The following SH3KBP1 variants were observed in gnomAD, a reference collection of about 807,000 sequenced individuals.
SH3KBP1 encodes SH3 domain-containing kinase-binding protein 1.
Under a neutral mutation model 50.1 loss-of-function variants are expected in SH3KBP1, and 8 were observed. The ratio of observed to expected loss-of-function variants is 0.16; its 90% confidence interval spans 0.09 to 0.29. The LOEUF (loss-of-function observed/expected upper bound fraction) is 0.29. Among genes scored for constraint, SH3KBP1 ranks in the 10% least tolerant of loss-of-function variants. The pLI is 1.00. For synonymous variants in SH3KBP1, 227 were observed against 218.6 expected (o/e 1.04, Z -0.34); for missense variants, 377 against 535.2 (o/e 0.70, Z 2.92).
rs556751972 is a variant in SH3KBP1, at chrX:19,688,564, G to C, written c.521-4536C>G. On this transcript the variant is annotated intron_variant, in intron 5 of 17. Transcript: ENST00000397821. ...CTCTGGAACCATGAGCAACTATACAGAATACACACATACTGCCCTGGTTTG... is the reference window on the plus strand; with the variant it reads ...CTCTGGAACCATGAGCAACTATACACAATACACACATACTGCCCTGGTTTG... 1.7e-4 allele frequency among the ~76,000 whole-genome samples: 19 copies of C among 110,526 alleles called. No individual in the cohort carries two copies. The South Asian group carries it at 7.0e-3, about 41-fold the overall frequency.
At chrX:19,801,535 A>C (rs1267613252) in intron 2 of SH3KBP1, among the ~76,000 whole-genome samples, 1 of 111,845 alleles carries the variant, frequency 8.9e-6, no homozygotes, top group Non-Finnish European at 1.9e-5. Context: ...TAAATAATAC[A>C]TTTGCAGAAA....
intron 13 of SH3KBP1, among the ~76,000 whole-genome samples, chrX:19,566,096 G>C (rs970765282): frequency 8.2e-5 from 9 of 109,648 alleles, no homozygotes; most frequent in African/African-American, 3.0e-4. Context: ...AGCAATGATT[G>C]CACTGTTGCA....
intron 7 of SH3KBP1, among the ~76,000 whole-genome samples, chrX:19,638,408 C>CAA (rs59079416): frequency 0.097 from 4,041 of 41,829 alleles, 542 homozygotes; most frequent in African/African-American, 0.3. Context: ...GACTCCGTCT[C>CAA]AAAAAAAAAA....
chrX:19,837,938 C>T (rs1307774946), intron 1 of SH3KBP1, among the ~76,000 whole-genome samples: 1 of 111,629 alleles, frequency 9.0e-6, no homozygotes, highest in Non-Finnish European at 1.9e-5. Flanking sequence ...AAATAGTTCA[C>T]AGACCTAAGT....
intron 7 of SH3KBP1, among the ~76,000 whole-genome samples, chrX:19,634,894 G>A (rs2061667035): frequency 1.8e-5 from 2 of 111,410 alleles, no homozygotes; most frequent in Admixed American, 1.9e-4. Flanking sequence ...AGCTGTTCTG[G>A]TTGGGGAGTA....
chrX:19,583,894 T>C (rs1173813630), intron 12 of SH3KBP1, among the ~76,000 whole-genome samples: 2 of 99,807 alleles, frequency 2.0e-5, no homozygotes, highest in African/African-American at 7.2e-5. Flanking sequence ...CAATGGTATA[T>C]GTTTATATAT....
At chrX:19,633,211 CG>C (rs1161139454) in intron 7 of SH3KBP1, among the ~76,000 whole-genome samples, 4 of 111,150 alleles carry the variant, frequency 3.6e-5, no homozygotes, top group African/African-American at 1.3e-4. Flanking sequence ...GGAGGAGAGG[CG>C]GTATTCACTT....
At chrX:19,672,868 C>T (rs1371809715) in intron 6 of SH3KBP1, among the ~76,000 whole-genome samples, 4 of 108,230 alleles carry the variant, frequency 3.7e-5, no homozygotes, top group Non-Finnish European at 5.7e-5. Context: ...ACCAGCCTGG[C>T]CAACATGGTG....
At chrX:19,752,735 C>T (rs973355070) in intron 2 of SH3KBP1, among the ~76,000 whole-genome samples, 1 of 112,490 alleles carries the variant, frequency 8.9e-6, no homozygotes, top group Admixed American at 9.4e-5. Flanking sequence ...AAGAACAGCA[C>T]AAATGCTTAA....
At chrX:19,655,966 T>C (rs2062268350) in intron 6 of SH3KBP1, among the ~76,000 whole-genome samples, 1 of 111,934 alleles carries the variant, frequency 8.9e-6, no homozygotes, top group Non-Finnish European at 1.9e-5. Context: ...ACAGCAATGA[T>C]GCAACTTGCA....
chrX:19,851,092 A>G (rs190122761), intron 1 of SH3KBP1, among the ~76,000 whole-genome samples: 2 of 111,547 alleles, frequency 1.8e-5, no homozygotes, highest in East Asian at 2.8e-4. Flanking sequence ...AGGTGACTCT[A>G]TGTACCCCTA....
intron 12 of SH3KBP1, among the ~76,000 whole-genome samples, chrX:19,581,030 T>C (rs1267955202): frequency 9.0e-6 from 1 of 111,605 alleles, no homozygotes; most frequent in East Asian, 2.8e-4. Context: ...TTGCTCACTA[T>C]GGCCTTGAAC....
chrX:19,598,472 A>G (rs774183146), intron 9 of SH3KBP1, among the ~76,000 whole-genome samples: 6 of 111,335 alleles, frequency 5.4e-5, no homozygotes, highest in African/African-American at 2.0e-4. Context: ...TTTCCTTTGC[A>G]TTCACAGCTT....
intron 1 of SH3KBP1, among the ~76,000 whole-genome samples, chrX:19,837,952 A>G (rs1282578376): frequency 9.0e-6 from 1 of 111,567 alleles, no homozygotes; most frequent in African/African-American, 3.3e-5. Context: ...CCTAAGTGTA[A>G]GAGCTAAAAT....
intron 2 of SH3KBP1, among the ~76,000 whole-genome samples, chrX:19,777,344 T>A (rs910012825): frequency 2.8e-5 from 3 of 108,374 alleles, no homozygotes; most frequent in Non-Finnish European, 3.9e-5. Context: ...GGAGAGGAAG[T>A]CAACAGAAAG....
chrX:19,866,903 A>C (rs781205929), intron 1 of SH3KBP1, among the ~76,000 whole-genome samples: 1 of 107,723 alleles, frequency 9.3e-6, no homozygotes, highest in Admixed American at 1.0e-4. Context: ...ACCTTACAAC[A>C]CGACAAGGCC....
chrX:19,706,704 G>C (rs995124294), intron 4 of SH3KBP1, among the ~76,000 whole-genome samples, 177 bp downstream of exon 4: 1 of 110,972 alleles, frequency 9.0e-6, no homozygotes, highest in African/African-American at 3.3e-5. Flanking sequence ...AACTCAGCTG[G>C]CTTGGGGGCA....
At chrX:19,842,986 G>A (rs1343531581) in intron 1 of SH3KBP1, among the ~76,000 whole-genome samples, 2 of 103,938 alleles carry the variant, frequency 1.9e-5, no homozygotes, top group African/African-American at 3.5e-5. Flanking sequence ...CCAGAGAACC[G>A]TAACAGATAC....
chrX:19,717,383 GGCA>G (rs1277087078), intron 3 of SH3KBP1, among the ~76,000 whole-genome samples: 1 of 111,054 alleles, frequency 9.0e-6, no homozygotes, highest in African/African-American at 3.3e-5. Context: ...TATTAAACAG[GGCA>G]GCAAGACCCA....
Sources: gnomAD v4.1 joint callset for allele counts (sites outside exome capture counted in the v4.1 genomes callset) on GRCh38, gnomAD v4.1.1 for gene constraint, MANE v1.5 for transcripts, NCBI Gene and HGNC (gene_info 2026-07-23, HGNC 2026-07-21) for gene names.